The following PLXNA4 variants were observed in gnomAD, a reference collection of about 807,000 sequenced individuals.
PLXNA4 encodes plexin-A4.
PLXNA4 carries 44 observed loss-of-function variants against 191.8 expected under a neutral mutation model. The ratio of observed to expected loss-of-function variants is 0.23; its 90% confidence interval spans 0.18 to 0.29. The LOEUF (loss-of-function observed/expected upper bound fraction) is 0.29. PLXNA4 is among the 10% of genes least tolerant of loss of function. The pLI, the probability that PLXNA4 is intolerant of heterozygous loss-of-function variation, is 1.00. For synonymous variants in PLXNA4, 1,082 were observed against 1,009.5 expected (o/e 1.07, Z -1.36); for missense variants, 1,800 against 2,488.8 (o/e 0.72, Z 5.89).
rs200711077 is a variant in PLXNA4 at position 132,485,007 on chromosome 7, C to T, written c.1371+4285G>A. On this transcript the variant is annotated intron_variant, in intron 3 of 31. Coordinates refer to ENST00000321063, the MANE Select transcript of PLXNA4 (RefSeq NM_020911.2). Reference sequence around the variant, plus strand: ...GTGATTCCCCCTTGTGGACCTGTGCCGAAGGACTAGGGAACAAAAGCAAAT... The same window carrying T: ...GTGATTCCCCCTTGTGGACCTGTGCTGAAGGACTAGGGAACAAAAGCAAAT... 132 of 1,613,608 alleles carry T rather than the reference C, an allele frequency of 8.2e-5. No homozygotes were observed. In the Middle Eastern group the frequency reaches 1.8e-3, roughly 22 times the overall value.
At chr7:132,160,287 C>A (rs1318987752) in intron 24 of PLXNA4, among the ~76,000 whole-genome samples, 1 of 152,162 alleles carries the variant, frequency 6.6e-6, no homozygotes, top group Non-Finnish European at 1.5e-5. Flanking sequence ...TTCAGGACAC[C>A]TGAGATTCTT....
rs538874897 is a variant in PLXNA4, at chr7:132,549,094, A to G, written c.-87+27328T>C. On this transcript the variant is annotated intron_variant, in intron 1 of 31. Transcript: ENST00000321063. ...CTCATGAATAATCCACCCCTCGTTT[A>G]GCATATAATCCAGAAACAACTGTAA... Among the ~76,000 whole-genome samples the G allele has an allele frequency of 2.0e-4, 31 of 152,284 alleles. No homozygotes were observed. The East Asian group carries it at 6.0e-3, about 29-fold the overall frequency.
intron 3 of PLXNA4, among the ~76,000 whole-genome samples, chr7:132,362,231 G>A (rs1257336042): frequency 1.3e-5 from 2 of 152,196 alleles, no homozygotes; most frequent in East Asian, 1.9e-4. Flanking sequence ...TCTTCAATGG[G>A]TTTGCTGTAG....
At chr7:132,474,062 CAAAACAAA>C (rs71977885) in intron 3 of PLXNA4, among the ~76,000 whole-genome samples, 6,197 of 151,288 alleles carry the variant, frequency 0.041, 203 homozygotes, top group African/African-American at 0.083. Context: ...CAAAACAAAA[CAAAACAAA>C]AAAAAACAGG....
At chr7:132,435,549 GT>G (rs1795438802) in intron 3 of PLXNA4, among the ~76,000 whole-genome samples, 1 of 152,158 alleles carries the variant, frequency 6.6e-6, no homozygotes, top group Non-Finnish European at 1.5e-5. Context: ...CACAGGGGAG[GT>G]GAGAAAGAAC....
intron 3 of PLXNA4, among the ~76,000 whole-genome samples, chr7:132,307,773 C>T (rs562162503): frequency 2.0e-5 from 3 of 146,402 alleles, no homozygotes; most frequent in South Asian, 4.7e-4. Context: ...CTTAAGCTGC[C>T]CCAGAATAGC....
At chr7:132,624,792 C>T (rs1585413021) in intron 2 of PLXNA4, among the ~76,000 whole-genome samples, 5 of 152,274 alleles carry the variant, frequency 3.3e-5, no homozygotes, top group Admixed American at 2.0e-4. Flanking sequence ...CCACCTGCCA[C>T]GACCTTTAGA....
intron 8 of PLXNA4, 152 bp downstream of exon 8, chr7:132,226,009 G>C (rs922111085): frequency 6.1e-6 from 4 of 652,052 alleles, no homozygotes; most frequent in Non-Finnish European, 1.0e-5. Flanking sequence ...TCTAAATGGT[G>C]ACTCCCTGTG....
At chr7:132,225,615 C>CA (rs1242635152) in intron 8 of PLXNA4, among the ~76,000 whole-genome samples, 8 of 92,428 alleles carry the variant, frequency 8.7e-5, no homozygotes, top group Non-Finnish European at 1.4e-4. Flanking sequence ...AGCCAGAGTC[C>CA]GCCCCCCCCC....
chr7:132,132,455 CTGTTCTGT>C (rs1236790104), intron 31 of PLXNA4, among the ~76,000 whole-genome samples: 937 of 45,766 alleles, frequency 0.02, 41 homozygotes, highest in South Asian at 0.032. Flanking sequence ...CTGTTCTGTT[CTGTTCTGT>C]TCTGCTCTGC....
At chr7:132,349,794 T>A (rs1038650375) in intron 3 of PLXNA4, among the ~76,000 whole-genome samples, 4 of 152,106 alleles carry the variant, frequency 2.6e-5, no homozygotes, top group Non-Finnish European at 5.9e-5. Context: ...TAAAAAAAAA[T>A]AAAACTCCAA....
At chr7:132,626,338 T>A (rs1803372345) in intron 2 of PLXNA4, among the ~76,000 whole-genome samples, 1 of 152,228 alleles carries the variant, frequency 6.6e-6, no homozygotes, top group African/African-American at 2.4e-5. Flanking sequence ...GCTTTGAGAG[T>A]GCTGTCGGTG....
chr7:132,154,718 G>T lies in PLXNA4; in HGVS notation c.4660+4755C>A, dbSNP rs191239311. Among the ~76,000 whole-genome samples the T allele has an allele frequency of 3.3e-5, 5 of 152,338 alleles. No individual in the cohort carries two copies. In the East Asian group the frequency reaches 7.7e-4, roughly 24 times the overall value. ...GGTGGGTCAAAGAAGAGTTTAGAGGGCAGGTGGTGTCAGTGGGAAGGAGGG... is the reference window on the plus strand; with the variant it reads ...GGTGGGTCAAAGAAGAGTTTAGAGGTCAGGTGGTGTCAGTGGGAAGGAGGG... On this transcript the variant is annotated intron_variant, in intron 25 of 31. Transcript: ENST00000321063.
chr7:132,591,330 C>T (rs1802600453), intron 2 of PLXNA4, among the ~76,000 whole-genome samples: 1 of 152,190 alleles, frequency 6.6e-6, no homozygotes, highest in Admixed American at 6.5e-5. Flanking sequence ...AAACAATCTT[C>T]ACCATGGTTC....
chr7:132,553,683 T>C (rs1800665798), intron 1 of PLXNA4, among the ~76,000 whole-genome samples: 1 of 152,196 alleles, frequency 6.6e-6, no homozygotes, highest in Non-Finnish European at 1.5e-5. Context: ...TTCAACAACC[T>C]ACACCTTAGT....
rs200991025 is a variant in PLXNA4, at chr7:132,361,823, C to CTG, written c.1372-63603_1372-63602dup. On this transcript the variant is annotated intron_variant, in intron 3 of 31. Coordinates refer to ENST00000321063, the MANE Select transcript of PLXNA4 (RefSeq NM_020911.2). ...GTGTTCTATTATGGTGGGGGTGTGG[C>CTG]TGTGTGTGTGTGTGTGCACGCGTGC... 5.7e-3 allele frequency among the ~76,000 whole-genome samples: 857 copies of CTG among 151,004 alleles called. 18 individuals are homozygous for CTG. The East Asian group carries it at 0.072, about 13-fold the overall frequency.
intron 30 of PLXNA4, among the ~76,000 whole-genome samples, chr7:132,135,663 T>C (rs558192913): frequency 3.5e-4 from 54 of 152,262 alleles, no homozygotes; most frequent in African/African-American, 1.1e-3. Flanking sequence ...TCTAGAAGTA[T>C]ATATGTGTGT....
At chr7:132,530,922 T>C (rs949174654) in intron 1 of PLXNA4, among the ~76,000 whole-genome samples, 2 of 152,242 alleles carry the variant, frequency 1.3e-5, no homozygotes, top group Non-Finnish European at 2.9e-5. Context: ...AGTTTTGATA[T>C]GTCTAAATGA....
At chr7:132,202,902 AG>A (rs1797487885) in intron 11 of PLXNA4, 66 bp from the exon 12 acceptor site, 2 of 1,409,214 alleles carry the variant, frequency 1.4e-6, no homozygotes, top group Non-Finnish European at 1.9e-6. Flanking sequence ...AGGGGCCCAG[AG>A]AGAGACAAAG....
Sources: gnomAD v4.1 joint callset for allele counts (sites outside exome capture counted in the v4.1 genomes callset) on GRCh38, gnomAD v4.1.1 for gene constraint, MANE v1.5 for transcripts, NCBI Gene and HGNC (gene_info 2026-07-23, HGNC 2026-07-21) for gene names.